USH2A: variants seen among roughly 807,000 people sequenced by gnomAD.
USH2A encodes the protein Usher syndrome 2A (autosomal recessive, mild).
Under a neutral mutation model 538.9 loss-of-function variants are expected in USH2A, and 443 were observed. That is an observed-to-expected ratio of 0.82 (90% confidence interval 0.76 to 0.89). The LOEUF (loss-of-function observed/expected upper bound fraction) is 0.89, where lower values mean the gene tolerates loss of function less well. Among genes scored for constraint, USH2A ranks in the 40% least tolerant of loss-of-function variants. USH2A has a pLI of 0.00. For missense variants in USH2A, 6,633 were observed against 6,324.8 expected (o/e 1.05, Z -1.65); for synonymous variants, 2,413 against 2,273.5 (o/e 1.06, Z -1.75).
chr1:216,219,945 A>G (rs994465012), intron 14 of USH2A, among the ~76,000 whole-genome samples: 1 of 152,104 alleles, frequency 6.6e-6, no homozygotes, highest in African/African-American at 2.4e-5. Flanking sequence ...ATAACTCAGT[A>G]TTTGCTGGTT....
intron 67 of USH2A, among the ~76,000 whole-genome samples, chr1:215,646,622 G>A (rs1656859941): frequency 6.6e-6 from 1 of 152,084 alleles, no homozygotes; most frequent in Non-Finnish European, 1.5e-5. Context: ...TGCCTCCTGG[G>A]TTAAAGTGAT....
At chr1:215,812,388 ACT>A (rs1332720686) in intron 49 of USH2A, among the ~76,000 whole-genome samples, 1 of 152,116 alleles carries the variant, frequency 6.6e-6, no homozygotes, top group Non-Finnish European at 1.5e-5. Flanking sequence ...TTGCAATACC[ACT>A]GTTTTGGTAA....
chr1:216,079,355 G>C (rs1304225412), intron 26 of USH2A, among the ~76,000 whole-genome samples: 2 of 152,078 alleles, frequency 1.3e-5, no homozygotes, highest in Non-Finnish European at 2.9e-5. Flanking sequence ...CAACAATCAA[G>C]ACAAGAAAGG....
chr1:215,673,966 C>T, intron 63 of USH2A, 134 bp downstream of exon 63: 4 of 1,484,084 alleles, frequency 2.7e-6, no homozygotes, highest in Admixed American at 1.7e-5. Flanking sequence ...GTCTACTATG[C>T]ACGTTTAGGT....
intron 21 of USH2A, among the ~76,000 whole-genome samples, chr1:216,164,099 G>C (rs1264042071): frequency 6.6e-6 from 1 of 152,040 alleles, no homozygotes; most frequent in African/African-American, 2.4e-5. Context: ...CCTAAGGTTA[G>C]GAATCATTCT....
chr1:215,729,630 TG>T (rs779229478), intron 60 of USH2A, among the ~76,000 whole-genome samples: 125 of 152,248 alleles, frequency 8.2e-4, no homozygotes, highest in Non-Finnish European at 1.5e-3. Flanking sequence ...AGAGTTTTTT[TG>T]TTTTATTTAT....
At chr1:215,743,405 TG>T in intron 58 of USH2A, 70 bp from the exon 59 acceptor site, 1 of 508,128 alleles carries the variant, frequency 2.0e-6, no homozygotes, top group Non-Finnish European at 3.1e-6. Flanking sequence ...TGTGTGTGTG[TG>T]TGTGTGTGTG....
intron 47 of USH2A, among the ~76,000 whole-genome samples, chr1:215,836,565 A>ATTTTT (rs71159886): frequency 3.0e-5 from 1 of 32,880 alleles, no homozygotes; most frequent in African/African-American, 9.2e-5. Context: ...ATATATATAT[A>ATTTTT]TTTTTTTTTG....
At chr1:216,106,753 C>T (rs2032746127) in intron 21 of USH2A, among the ~76,000 whole-genome samples, 1 of 151,752 alleles carries the variant, frequency 6.6e-6, no homozygotes, top group Non-Finnish European at 1.5e-5. Context: ...CTTAGGAAAG[C>T]TTGGACTTTT....
chr1:216,166,238 T>C (rs1424180096), intron 21 of USH2A, among the ~76,000 whole-genome samples: 1 of 151,972 alleles, frequency 6.6e-6, no homozygotes, highest in Non-Finnish European at 1.5e-5. Flanking sequence ...GCGAAGTACT[T>C]GCAAATAGAT....
At chr1:216,392,239 C>T (rs938023602) in intron 3 of USH2A, among the ~76,000 whole-genome samples, 3 of 152,080 alleles carry the variant, frequency 2.0e-5, no homozygotes, top group Non-Finnish European at 4.4e-5. Flanking sequence ...TGGCTCACAC[C>T]TGTAATCCCA....
At chr1:215,870,500 T>C (rs1369035072) in intron 43 of USH2A, among the ~76,000 whole-genome samples, 2 of 150,732 alleles carry the variant, frequency 1.3e-5, no homozygotes, top group Non-Finnish European at 3.0e-5. Context: ...TTTCATCGTG[T>C]TAGCCAGGAT....
chr1:216,239,751 C>G lies in USH2A; in HGVS notation c.2809+6834G>C, dbSNP rs1286062086. On this transcript the variant is annotated intron_variant, in intron 13 of 71. Coordinates refer to ENST00000307340, the MANE Select transcript of USH2A (RefSeq NM_206933.4). ...GGAGGCTACTTGAATAGTCCAGGAA[C>G]AGAGGAAGGTGGCTTGGACCTGGCT... 2.6e-5 allele frequency among the ~76,000 whole-genome samples: 4 copies of G among 152,156 alleles called. No individual in the cohort carries two copies. In the East Asian group the frequency reaches 7.7e-4, roughly 29 times the overall value.
chr1:215,912,748 T>C (rs920687402), intron 38 of USH2A, among the ~76,000 whole-genome samples: 2 of 152,058 alleles, frequency 1.3e-5, no homozygotes, highest in African/African-American at 4.8e-5. Context: ...GATTATTTCA[T>C]CACCCAGGTA....
At position 215,632,051 on chromosome 1, in the gene USH2A, TTTTTGTTTTG is replaced by T. The variant is rs368845781; in HGVS notation, c.15297+2398_15297+2407del. Among the ~76,000 whole-genome samples, 430 of 152,136 alleles carry T rather than the reference TTTTTGTTTTG, an allele frequency of 2.8e-3. 2 individuals carry two copies. Among genetic ancestry groups the T allele is most frequent in the African/African-American group, 9.7e-3 (404 of 41,538 alleles). The stretch of plus-strand genomic sequence containing the variant: ...AATCTTGCTGTGCATCAGACTTCTT[TTTTTGTTTTG>T]TTTTGTTTTGTTTTGTTTTGTGACG... On this transcript the variant is annotated intron_variant, in intron 70 of 71. Transcript: ENST00000307340.
chr1:216,208,759 A>G (rs1284548779), intron 15 of USH2A, among the ~76,000 whole-genome samples: 1 of 152,218 alleles, frequency 6.6e-6, no homozygotes, highest in African/African-American at 2.4e-5. Context: ...GGGAAAAGGC[A>G]TATCAATGAA....
chr1:215,846,159 TAAA>T, intron 44 of USH2A, 126 bp from the exon 45 acceptor site: 2 of 871,584 alleles, frequency 2.3e-6, no homozygotes, highest in Non-Finnish European at 3.6e-6. Context: ...TTGGAAATGT[TAAA>T]AAAAGCTTAT....
intron 32 of USH2A, among the ~76,000 whole-genome samples, chr1:216,019,326 C>T (rs973112026): frequency 1.3e-5 from 2 of 152,136 alleles, no homozygotes; most frequent in African/African-American, 4.8e-5. Flanking sequence ...GAGCACAGGA[C>T]ATACGAAAGA....
intron 21 of USH2A, among the ~76,000 whole-genome samples, chr1:216,137,604 TCC>T (rs2102607775): frequency 6.6e-6 from 1 of 152,248 alleles, no homozygotes; most frequent in East Asian, 1.9e-4. Flanking sequence ...GCAGAAAGCA[TCC>T]AGCCCAGGAG....
Sources: allele counts gnomAD v4.1 joint callset (sites outside exome capture counted in the v4.1 genomes callset), GRCh38; gene constraint gnomAD v4.1.1; transcripts MANE v1.5; gene names NCBI Gene and HGNC (gene_info 2026-07-23, HGNC 2026-07-21).